The following MEMO1 variants were observed in gnomAD, a reference collection of about 807,000 sequenced individuals.
MEMO1 encodes the protein mediator of cell motility 1, also known as protein MEMO1.
In MEMO1, 6 loss-of-function variants were observed where a neutral mutation model predicts 45.2. That is an observed-to-expected ratio of 0.13 (90% CI 0.07 to 0.26). The LOEUF is 0.26. Among genes scored for constraint, MEMO1 ranks in the 10% least tolerant of loss-of-function variants. The pLI, the probability that MEMO1 is intolerant of heterozygous loss-of-function variation, is 1.00. For missense variants in MEMO1, 184 were observed against 370.5 expected, an observed-to-expected ratio of 0.50 and a Z score of 4.13; for synonymous variants, 78 against 124.3, an observed-to-expected ratio of 0.63 and a Z score of 2.48.
At chr2:31,977,083 G>C (rs571299182) in intron 2 of MEMO1, among the ~76,000 whole-genome samples, 22 of 152,214 alleles carry the variant, frequency 1.4e-4, no homozygotes, top group African/African-American at 4.8e-4. Context: ...GGAAGAAAAA[G>C]GGATAAACTA....
chr2:31,989,558 T>C (rs941430124), intron 2 of MEMO1, among the ~76,000 whole-genome samples: 1 of 152,190 alleles, frequency 6.6e-6, no homozygotes, highest in African/African-American at 2.4e-5. Flanking sequence ...AAGTGGAGGA[T>C]AAACCAACTA....
intron 4 of MEMO1, 63 bp from the exon 5 acceptor site, chr2:31,920,973 A>G (rs1682240891): frequency 2.8e-6 from 3 of 1,070,664 alleles, no homozygotes; most frequent in Non-Finnish European, 4.2e-6. Flanking sequence ...TTATTAAATA[A>G]AAGAGAAAAA....
At position 31,892,130 on chromosome 2, in the gene MEMO1, T is replaced by C; in HGVS notation, c.442A>G (p.Lys148Glu). The C allele has an allele frequency of 1.9e-6, 3 of 1,581,824 alleles. No individual in the cohort carries two copies. Among genetic ancestry groups the C allele is most frequent in the Non-Finnish European group, 2.6e-6 (3 of 1,169,092 alleles). ...PYTAKAMESH[K>E]DEFTIIPVLV... ...ACAGGAATAATGGTAAACTCATCCT[T>C]ATGGCTTAAAGAAAACAGAAAAAAA... is the stretch of plus-strand genomic sequence containing the variant. Residue 148 changes from lysine to glutamate, a missense_variant, in exon 7 of 10, where the codon AAG becomes GAG. Physicochemically the swap from Lys to Glu is moderately conservative, Grantham distance 56. Coordinates refer to ENST00000404530, the MANE Select transcript of MEMO1 (RefSeq NM_001301833.4).
chr2:31,948,215 G>T (rs1200603259), intron 2 of MEMO1, among the ~76,000 whole-genome samples: 1 of 151,976 alleles, frequency 6.6e-6, no homozygotes, highest in Non-Finnish European at 1.5e-5. Context: ...ATAAAGAAAA[G>T]ATCTATTTTA....
intron 2 of MEMO1, 97 bp downstream of exon 2, chr2:32,010,090 C>CCCG (rs1248594355): frequency 6.9e-6 from 4 of 576,310 alleles, no homozygotes; most frequent in Admixed American, 6.6e-5. Context: ...CTCTTCCCCG[C>CCCG]CCGCCGCCGC....
chr2:31,880,178 C>A (rs1328832494), intron 8 of MEMO1, among the ~76,000 whole-genome samples: 1 of 152,112 alleles, frequency 6.6e-6, no homozygotes, highest in African/African-American at 2.4e-5. Context: ...TAACCATTTG[C>A]TTTGACAATC....
intron 7 of MEMO1, among the ~76,000 whole-genome samples, chr2:31,886,108 ATCTACTTTTT>A (rs1676151513): frequency 6.6e-6 from 1 of 152,222 alleles, no homozygotes; most frequent in African/African-American, 2.4e-5. Flanking sequence ...AGTAAATGCC[ATCTACTTTTT>A]GTTACTCTTT....
chr2:31,988,542 T>C (rs1283956342), intron 2 of MEMO1, among the ~76,000 whole-genome samples: 1 of 152,018 alleles, frequency 6.6e-6, no homozygotes, highest in Non-Finnish European at 1.5e-5. Context: ...CAAGACTCTG[T>C]CTCGAAAAAA....
intron 2 of MEMO1, among the ~76,000 whole-genome samples, chr2:32,004,581 G>A (rs972582540): frequency 1.3e-5 from 2 of 152,192 alleles, no homozygotes; most frequent in African/African-American, 2.4e-5. Context: ...TGGTGGGAGT[G>A]TAAATTTGTA....
intron 2 of MEMO1, among the ~76,000 whole-genome samples, chr2:31,954,403 G>GT (rs1484682944): frequency 6.6e-6 from 1 of 152,096 alleles, no homozygotes; most frequent in Admixed American, 6.6e-5. Flanking sequence ...GGTCAACATA[G>GT]TGAGACCCCT....
chr2:31,957,674 T>C (rs1245269318), intron 2 of MEMO1, among the ~76,000 whole-genome samples: 2 of 152,190 alleles, frequency 1.3e-5, no homozygotes, highest in African/African-American at 4.8e-5. Context: ...TAGAGAACAG[T>C]CAAGACATGA....
intron 9 of MEMO1, 35 bp downstream of exon 9, chr2:31,869,813 A>G (rs376810880): frequency 1.9e-6 from 3 of 1,564,268 alleles, no homozygotes; most frequent in Non-Finnish European, 1.7e-6. Flanking sequence ...CATATGACCA[A>G]ATGTTAAAAG....
At chr2:31,973,499 G>A (rs1669647355) in intron 2 of MEMO1, among the ~76,000 whole-genome samples, 1 of 152,002 alleles carries the variant, frequency 6.6e-6, no homozygotes, top group Non-Finnish European at 1.5e-5. Context: ...TTTAAACAGA[G>A]ATACTTGTAC....
intron 3 of MEMO1, among the ~76,000 whole-genome samples, chr2:31,933,332 AAAAAAAAAAAAAAAAAATTTATAT>A (rs1255930035): frequency 1.7e-5 from 1 of 60,038 alleles, no homozygotes; most frequent in Non-Finnish European, 2.8e-5. Context: ...AAAAAAAAAA[AAAAAAAAAAAAAAAAAATTTATAT>A]ATATATATAT....
At chr2:32,004,208 T>C (rs538314698) in intron 2 of MEMO1, among the ~76,000 whole-genome samples, 212 of 151,474 alleles carry the variant, frequency 1.4e-3, no homozygotes, top group African/African-American at 5.0e-3. Flanking sequence ...AATAAATAAA[T>C]AAAAGCTTTA....
chr2:31,996,198 GAC>G (rs1190437792), intron 2 of MEMO1, among the ~76,000 whole-genome samples: 1 of 151,332 alleles, frequency 6.6e-6, no homozygotes, highest in African/African-American at 2.4e-5. Flanking sequence ...GAGAGAGAGA[GAC>G]AGAGGGGGAG....
chr2:31,984,018 G>C (rs1028747863), intron 2 of MEMO1, among the ~76,000 whole-genome samples: 2 of 152,224 alleles, frequency 1.3e-5, no homozygotes, highest in African/African-American at 2.4e-5. Context: ...AGTCCATACG[G>C]ATATAAATAA....
intron 2 of MEMO1, among the ~76,000 whole-genome samples, chr2:31,974,476 G>C (rs1379774087): frequency 1.3e-5 from 2 of 152,188 alleles, no homozygotes; most frequent in African/African-American, 4.8e-5. Context: ...GCCGGGCACG[G>C]TGACTCACGC....
intron 8 of MEMO1, among the ~76,000 whole-genome samples, chr2:31,879,856 G>A (rs1675096562): frequency 6.6e-6 from 1 of 152,152 alleles, no homozygotes; most frequent in African/African-American, 2.4e-5. Flanking sequence ...CAAAACCCAT[G>A]TATAAGACTG....
Sources: gnomAD v4.1 joint callset for allele counts (sites outside exome capture counted in the v4.1 genomes callset) on GRCh38, gnomAD v4.1.1 for gene constraint, MANE v1.5 for transcripts, NCBI Gene and HGNC (gene_info 2026-07-23, HGNC 2026-07-21) for gene names.